Variants in SLC17A5 observed in about 807,000 individuals in gnomAD.
SLC17A5 encodes the protein sialin.
SLC17A5 carries 47 observed loss-of-function variants against 59.4 expected under a neutral mutation model. That is an observed-to-expected ratio of 0.79 (90% CI 0.63 to 1.01). The LOEUF is 1.01. Ranked by LOEUF, SLC17A5 falls within the 50% of genes least tolerant of loss-of-function variation. The probability of loss-of-function intolerance (pLI) is 0.00; values close to 1 mark genes in which losing one functional copy is unlikely to be tolerated. For missense variants in SLC17A5, 522 were observed against 595.5 expected (o/e 0.88, Z 1.28); for synonymous variants, 202 against 210.7 (o/e 0.96, Z 0.36).
intron 7 of SLC17A5, chr6:73,618,400 A>G: frequency 3.2e-6 from 1 of 310,386 alleles, no homozygotes; most frequent in African/African-American, 2.2e-5. Context: ...GAGGAAACAC[A>G]AGAAGAAATG....
intron 1 of SLC17A5, among the ~76,000 whole-genome samples, chr6:73,648,591 T>A (rs1387089381): frequency 2.0e-5 from 3 of 152,198 alleles, no homozygotes; most frequent in Non-Finnish European, 4.4e-5. Flanking sequence ...TGCATGGGGA[T>A]TAAATGAAAT....
At chr6:73,646,015 G>C (rs1185386019) in intron 1 of SLC17A5, among the ~76,000 whole-genome samples, 1 of 152,166 alleles carries the variant, frequency 6.6e-6, no homozygotes, top group Non-Finnish European at 1.5e-5. Flanking sequence ...AGCTAATCCA[G>C]AGTCTGAACA....
intron 6 of SLC17A5, 99 bp from the exon 7 acceptor site, chr6:73,622,061 T>C: frequency 8.7e-7 from 1 of 1,150,462 alleles, no homozygotes; most frequent in African/African-American, 1.5e-5. Flanking sequence ...ATACAGAATA[T>C]CACCTTAATT....
At chr6:73,615,814 A>T (rs484067) in intron 7 of SLC17A5, among the ~76,000 whole-genome samples, 56,551 of 150,026 alleles carry the variant, frequency 0.38, 11,731 homozygotes, top group African/African-American at 0.55. Context: ...TTTAAAAAAA[A>T]TTTTTTTTAC....
intron 9 of SLC17A5, among the ~76,000 whole-genome samples, chr6:73,602,500 C>T (rs527440678): frequency 2.6e-5 from 4 of 152,076 alleles, no homozygotes; most frequent in East Asian, 1.9e-4. Flanking sequence ...GAAGGCTGGG[C>T]GCGGTGGCTC....
intron 9 of SLC17A5, among the ~76,000 whole-genome samples, chr6:73,604,640 C>T (rs1258886969): frequency 2.0e-5 from 3 of 150,766 alleles, no homozygotes; most frequent in Admixed American, 6.7e-5. Flanking sequence ...TAGACCCGCT[C>T]GCTACTCAGG....
At chr6:73,652,244 A>C (rs556736470) in intron 1 of SLC17A5, among the ~76,000 whole-genome samples, 9 of 152,342 alleles carry the variant, frequency 5.9e-5, no homozygotes, top group Non-Finnish European at 1.2e-4. Flanking sequence ...CACTCAACAC[A>C]TGAATCAAGT....
At chr6:73,614,437 A>G (rs1297832669) in intron 8 of SLC17A5, among the ~76,000 whole-genome samples, 3 of 152,212 alleles carry the variant, frequency 2.0e-5, no homozygotes, top group Admixed American at 1.3e-4. Context: ...AAAGAAATAT[A>G]TATTTGGTCT....
At chr6:73,621,238 C>G (rs2150098656) in intron 7 of SLC17A5, among the ~76,000 whole-genome samples, 3 of 152,290 alleles carry the variant, frequency 2.0e-5, no homozygotes, top group Admixed American at 2.0e-4. Flanking sequence ...CTCCTGACCT[C>G]AGGTGATCCG....
At chr6:73,599,641 A>G (rs1766966796) in intron 10 of SLC17A5, among the ~76,000 whole-genome samples, 2 of 152,244 alleles carry the variant, frequency 1.3e-5, no homozygotes, top group Non-Finnish European at 1.5e-5. Flanking sequence ...CATTTCTACA[A>G]CATTCCTTTT....
intron 8 of SLC17A5, among the ~76,000 whole-genome samples, chr6:73,611,546 TG>T (rs1767637922): frequency 1.3e-5 from 2 of 151,712 alleles, no homozygotes; most frequent in South Asian, 4.2e-4. Flanking sequence ...CCCAAAGTGC[TG>T]GGATTACAGG....
At chr6:73,606,127 C>T (rs1000263313) in intron 9 of SLC17A5, among the ~76,000 whole-genome samples, 20 of 152,176 alleles carry the variant, frequency 1.3e-4, no homozygotes, top group Non-Finnish European at 2.6e-4. Context: ...ACTGCAACCT[C>T]CAACTCCTGG....
chr6:73,623,639 G>A (rs1490078352), intron 6 of SLC17A5, among the ~76,000 whole-genome samples: 1 of 150,978 alleles, frequency 6.6e-6, no homozygotes, highest in Non-Finnish European at 1.5e-5. Flanking sequence ...CAGCGTAAGT[G>A]ATTTATTTTA....
intron 1 of SLC17A5, among the ~76,000 whole-genome samples, chr6:73,651,460 C>CAAAAAAAAAAAAAA (rs538079302): frequency 1.3e-4 from 4 of 29,890 alleles, no homozygotes; most frequent in Non-Finnish European, 2.3e-4. Context: ...AACTCCGTCT[C>CAAAAAAAAAAAAAA]AAAAAAAAAA....
chr6:73,635,850 A>G (rs1768968129), intron 5 of SLC17A5, among the ~76,000 whole-genome samples: 1 of 151,496 alleles, frequency 6.6e-6, no homozygotes, highest in Non-Finnish European at 1.5e-5. Context: ...AAGCAACTCT[A>G]CTGTCTCAGC....
intron 7 of SLC17A5, 109 bp from the exon 8 acceptor site, chr6:73,615,556 C>G: frequency 9.5e-7 from 1 of 1,052,290 alleles, no homozygotes; most frequent in South Asian, 1.4e-5. Context: ...AAATGCATAG[C>G]AATATGTTGT....
chr6:73,597,988 TCATCTTAA>T (rs1388433579), intron 10 of SLC17A5, among the ~76,000 whole-genome samples: 1 of 152,182 alleles, frequency 6.6e-6, no homozygotes, highest in African/African-American at 2.4e-5. Context: ...TCTTAGATAC[TCATCTTAA>T]ATTCTGCTGA....
In SLC17A5 at chr6:73,641,711, C is replaced by G. The variant is rs1483240831; in HGVS notation, c.505G>C (p.Ala169Pro). The G allele has an allele frequency of 1.2e-6, 2 of 1,613,416 alleles. No homozygotes were observed. The highest frequency in any genetic ancestry group is 3.3e-5 in the Admixed American group (2 of 59,992). The change falls in exon 3 of 11, where the codon GCA (alanine) becomes CCA (proline). Residue 169 changes from alanine (A) to proline (P), a missense_variant. Physicochemically the swap from Ala to Pro is conservative, Grantham distance 27 (BLOSUM62 -1). Transcript: ENST00000355773. The part of the protein sequence containing the change: ...LGVGPLIVLR[A>P]LEGLGEGVTF... ...ATTACCTCTCCTAGTCCTTCTAGTGCTCTGAGTACAATGAGTGGTCCAACT... is the reference window on the plus strand; with the variant it reads ...ATTACCTCTCCTAGTCCTTCTAGTGGTCTGAGTACAATGAGTGGTCCAACT...
intron 6 of SLC17A5, among the ~76,000 whole-genome samples, chr6:73,633,158 T>C (rs1768839639): frequency 6.8e-6 from 1 of 148,128 alleles, no homozygotes. Flanking sequence ...GCTAAAACTT[T>C]CTTTTTTACT....
Sources: gnomAD v4.1 joint callset for allele counts (sites outside exome capture counted in the v4.1 genomes callset) on GRCh38, gnomAD v4.1.1 for gene constraint, MANE v1.5 for transcripts, NCBI Gene and HGNC (gene_info 2026-07-23, HGNC 2026-07-21) for gene names.